The following LMAN2 variants were observed in gnomAD, a reference collection of about 807,000 sequenced individuals.
LMAN2 encodes lectin, mannose binding 2.
LMAN2 carries 22 observed loss-of-function variants against 39.3 expected under a neutral mutation model. The observed-to-expected ratio is 0.56, with a 90% confidence interval of 0.40 to 0.80. The LOEUF is 0.80. LMAN2 is among the 30% of genes least tolerant of loss of function. The pLI is 0.00. For synonymous variants in LMAN2, 207 were observed against 207.8 expected (o/e 1.00, Z 0.03); for missense variants, 494 against 505.4 (o/e 0.98, Z 0.22).
At chr5:177,344,213 C>T (rs1761600904) in intron 2 of LMAN2, among the ~76,000 whole-genome samples, 1 of 151,068 alleles carries the variant, frequency 6.6e-6, no homozygotes, top group Admixed American at 6.6e-5. Flanking sequence ...GTGAGACCCC[C>T]CCCATCTCTA....
Position 177,343,233 on chromosome 5 carries a change from G to A in LMAN2, c.316-4628C>T, listed in dbSNP as rs565001462. ...TCGCGCCACTGCACTCCAGCCTGGC[G>A]ACAGGGCGAGACTTCATCTCAATAA... On this transcript the variant is annotated intron_variant, in intron 2 of 7. Transcript: ENST00000303127. Among the ~76,000 whole-genome samples the A allele has an allele frequency of 3.8e-4, 58 of 152,244 alleles. 2 individuals carry two copies. The South Asian group carries it at 8.1e-3, about 21-fold the overall frequency.
intron 2 of LMAN2, among the ~76,000 whole-genome samples, chr5:177,349,338 G>A (rs1229759020): frequency 1.3e-5 from 2 of 152,192 alleles, no homozygotes; most frequent in Non-Finnish European, 2.9e-5. Context: ...AAAGGGAAAA[G>A]TTTAGGAAGC....
intron 6 of LMAN2, chr5:177,336,841 C>T: frequency 2.0e-6 from 1 of 491,434 alleles, no homozygotes. Context: ...CCCGGACAGG[C>T]CATTTACAGA....
chr5:177,332,181 G>A lies in LMAN2; in HGVS notation c.976C>T (p.Leu326=), dbSNP rs1387552201. 1 of 1,613,602 alleles carries A rather than the reference G, an allele frequency of 6.2e-7. No individual in the cohort carries two copies. Among genetic ancestry groups the A allele is most frequent in the Admixed American group, 1.7e-5 (1 of 60,014 alleles). ...ATGCCCAGGAGAGCGCACAGCAGCAGCAGGAACACCCGCCACCCCGTCAGG... is the reference window on the plus strand; with the variant it reads ...ATGCCCAGGAGAGCGCACAGCAGCAACAGGAACACCCGCCACCCCGTCAGG... The part of the protein sequence containing the change: ...GPLTGWRVFL[L]LLCALLGIVV... Residue 326 remains leucine, a synonymous_variant, in exon 8 of 8, where the codon CTG becomes TTG. Coordinates refer to ENST00000303127, the MANE Select transcript of LMAN2 (RefSeq NM_006816.3). This position sits in a 1 kb window ranked among gnomAD's most constrained non-coding sequence, Gnocchi z 6.3.
chr5:177,346,806 C>T (rs769431607), intron 2 of LMAN2, among the ~76,000 whole-genome samples: 8 of 151,996 alleles, frequency 5.3e-5, no homozygotes, highest in African/African-American at 1.9e-4. Context: ...CCCAGCCATA[C>T]ACAGAAATTT....
At chr5:177,342,352 T>A (rs530308641) in intron 2 of LMAN2, among the ~76,000 whole-genome samples, 63 of 151,342 alleles carry the variant, frequency 4.2e-4, no homozygotes, top group East Asian at 2.5e-3. Flanking sequence ...TAAAAAAAAA[T>A]AATAATAAGT....
intron 6 of LMAN2, among the ~76,000 whole-genome samples, chr5:177,336,354 G>T (rs1286543301): frequency 6.6e-6 from 1 of 152,138 alleles, no homozygotes; most frequent in African/African-American, 2.4e-5. Flanking sequence ...AGGCCCTGGC[G>T]CCCCCTGCAG....
chr5:177,345,472 A>G (rs1442131612), intron 2 of LMAN2, among the ~76,000 whole-genome samples: 1 of 152,032 alleles, frequency 6.6e-6, no homozygotes, highest in Non-Finnish European at 1.5e-5. Flanking sequence ...ATATGCATTT[A>G]CAACATAAAA....
At position 177,337,101 on chromosome 5, in the gene LMAN2, G is replaced by A. The variant is rs1442557617; in HGVS notation, c.790+35C>T. Reference sequence around the variant, plus strand: ...AGCTCCCAGTCCCTCAGGGTGAGCTGGGCTGGGAACCAACGCCTGGCCCGG... The same window carrying A: ...AGCTCCCAGTCCCTCAGGGTGAGCTAGGCTGGGAACCAACGCCTGGCCCGG... On this transcript the variant is annotated intron_variant, in intron 6 of 7. Transcript: ENST00000303127. The surrounding 1 kb of genome is among the most constrained non-coding windows in gnomAD (Gnocchi z 8.2). 7 of 1,521,558 alleles carry A rather than the reference G, an allele frequency of 4.6e-6. No homozygotes were observed. The highest frequency in any genetic ancestry group is 5.4e-6 in the Non-Finnish European group (6 of 1,101,560). 94.3% of individuals were successfully genotyped at this position (1,521,558 alleles called of 1,614,324 possible).
At position 177,345,052 on chromosome 5, in the gene LMAN2, A is replaced by C. The variant is rs1301760862; in HGVS notation, c.315+6121T>G. ...ATAGCCATGACATCTTTTAAATGCC[A>C]TTGTCAGGCTGGGCGCAGTGGCTCA... is the stretch of plus-strand genomic sequence containing the variant. On this transcript the variant is annotated intron_variant, in intron 2 of 7. Transcript: ENST00000303127. Among the ~76,000 whole-genome samples the C allele has an allele frequency of 2.6e-5, 4 of 151,526 alleles. No homozygotes were observed. The East Asian group carries it at 7.9e-4, about 30-fold the overall frequency.
chr5:177,334,514 C>T lies in LMAN2; in HGVS notation c.791-111G>A, dbSNP rs879103434. On this transcript the variant is annotated intron_variant, in intron 6 of 7. Transcript: ENST00000303127. Reference sequence around the variant, plus strand: ...GCTGCAGCCAGTAAACCTGCCAGGCCCCTGGGGAGAGCACTGCCCAGCCGG... The same window carrying T: ...GCTGCAGCCAGTAAACCTGCCAGGCTCCTGGGGAGAGCACTGCCCAGCCGG... 109 of 1,449,472 alleles carry T rather than the reference C, an allele frequency of 7.5e-5. No homozygotes were observed. The South Asian group carries it at 1.3e-3, about 17-fold the overall frequency. The allele number at this position is 1,449,472 out of a possible 1,614,324, so 89.8% of individuals were successfully genotyped here. A position where few individuals can be genotyped will look rare whatever the true frequency, so the allele number is the denominator to read the frequency against.
chr5:177,347,543 C>T (rs989829593), intron 2 of LMAN2, among the ~76,000 whole-genome samples: 1 of 152,042 alleles, frequency 6.6e-6, no homozygotes, highest in Non-Finnish European at 1.5e-5. Context: ...GGGACAAACA[C>T]GATATGACCA....
In LMAN2 at chr5:177,337,190, G is replaced by A. The variant is rs377211817; in HGVS notation, c.736C>T (p.Arg246Cys). The change falls in exon 6 of 8, where the codon CGC becomes TGC. Residue 246 changes from arginine (R) to cysteine (C), a missense_variant. Arg to Cys is a radical substitution (Grantham distance 180). Coordinates refer to ENST00000303127, the MANE Select transcript of LMAN2 (RefSeq NM_006816.3). The surrounding 1 kb of genome is among the most constrained non-coding windows in gnomAD (Gnocchi z 8.2). ...WKNCIDITGV[R>C]LPTGYYFGAS... ...CCGAAGTAGTAGCCGGTGGGCAGGC[G>A]CACTCCCGTGATGTCAATGCAGTTC... is the stretch of plus-strand genomic sequence containing the variant. The A allele has an allele frequency of 6.2e-6, 10 of 1,613,788 alleles. No homozygotes were observed. The highest frequency in any genetic ancestry group is 2.2e-5 in the South Asian group (2 of 91,094).
At chr5:177,345,852 C>G (rs1382750258) in intron 2 of LMAN2, among the ~76,000 whole-genome samples, 1 of 152,108 alleles carries the variant, frequency 6.6e-6, no homozygotes, top group Non-Finnish European at 1.5e-5. Context: ...TCTGCTACTT[C>G]TGCCTCCCAG....
At chr5:177,339,082 C>T (rs900371465) in intron 2 of LMAN2, among the ~76,000 whole-genome samples, 6 of 152,236 alleles carry the variant, frequency 3.9e-5, no homozygotes, top group Non-Finnish European at 8.8e-5. Context: ...TCTGGACTCA[C>T]GCGCAGGGCT....
In LMAN2 at chr5:177,332,372, C is replaced by A. The variant is rs1218775218; in HGVS notation, c.911-126G>T. The A allele has an allele frequency of 8.3e-6, 7 of 847,368 alleles. No individual in the cohort carries two copies. The highest frequency in any genetic ancestry group is 3.6e-4 in the Middle Eastern group (1 of 2,808). 52.5% of individuals were successfully genotyped at this position (847,368 alleles called of 1,614,324 possible). ...GGGCAGGCCGGTCGTACTCACCCCCCTCACCGGGGAGGGGCAGAGGTCAGG... is the reference window on the plus strand; with the variant it reads ...GGGCAGGCCGGTCGTACTCACCCCCATCACCGGGGAGGGGCAGAGGTCAGG... On this transcript the variant is annotated intron_variant, in intron 7 of 7. Transcript: ENST00000303127. This position sits in a 1 kb window ranked among gnomAD's most constrained non-coding sequence, Gnocchi z 6.3.
chr5:177,340,946 A>G (rs1258148881), intron 2 of LMAN2, among the ~76,000 whole-genome samples: 10 of 151,396 alleles, frequency 6.6e-5, no homozygotes, highest in Admixed American at 3.9e-4. Context: ...TAGTAGAGAC[A>G]GGGTTTCACC....
chr5:177,337,785 C>T lies in LMAN2; in HGVS notation c.434G>A (p.Gly145Glu), dbSNP rs1300857459. 5.0e-6 allele frequency: 8 copies of T among 1,613,382 alleles called. No homozygotes were observed. The highest frequency in any genetic ancestry group is 6.8e-6 in the Non-Finnish European group (8 of 1,179,848). ...LWYTRDRLVP[G>E]PVFGSKDNFH... ...GTTATCTTTGCTTCCAAACACAGGC[C>T]CTAGAATTATAAGCAGATGCTCTCA... Residue 145 changes from glycine (G) to glutamate (E), a missense_variant and splice_region_variant, in exon 4 of 8, where the codon GGG becomes GAG. Gly to Glu is a moderately conservative substitution (Grantham distance 98, BLOSUM62 -2). Transcript: ENST00000303127. This position sits in a 1 kb window ranked among gnomAD's most constrained non-coding sequence, Gnocchi z 8.2.
chr5:177,347,787 AAAG>A (rs1183377209), intron 2 of LMAN2, among the ~76,000 whole-genome samples: 5 of 152,200 alleles, frequency 3.3e-5, no homozygotes, highest in African/African-American at 1.2e-4. Flanking sequence ...TTATAAACCA[AAAG>A]AAGATCAAAA....
Sources: gnomAD v4.1 joint callset for allele counts (sites outside exome capture counted in the v4.1 genomes callset) on GRCh38, gnomAD v4.1.1 for gene constraint, Gnocchi (gnomAD v3.1) non-coding constraint, MANE v1.5 for transcripts, NCBI Gene and HGNC (gene_info 2026-07-23, HGNC 2026-07-21) for gene names.